DCUN1D2: variants seen among roughly 807,000 people sequenced by gnomAD.
DCUN1D2 encodes the protein DCN1-like protein 2.
DCUN1D2 carries 29 observed loss-of-function variants against 30.9 expected under a neutral mutation model. The ratio of observed to expected loss-of-function variants is 0.94; its 90% CI spans 0.70 to 1.28. The LOEUF is 1.28. Ranked by LOEUF, DCUN1D2 falls within the 50% of genes most tolerant of loss-of-function variation. The pLI, the probability that DCUN1D2 is intolerant of heterozygous loss-of-function variation, is 0.00. For missense variants in DCUN1D2, 325 were observed against 316.9 expected (o/e 1.03, Z -0.19); for synonymous variants, 121 against 115.3 (o/e 1.05, Z -0.32).
intron 1 of DCUN1D2, 119 bp from the exon 2 acceptor site, chr13:113,484,175 G>A (rs1330121105): frequency 3.3e-6 from 5 of 1,502,506 alleles, no homozygotes; most frequent in African/African-American, 1.4e-5. Flanking sequence ...CTCTTCATCA[G>A]TTACAAAGAC....
At chr13:113,464,589 G>A (rs553321115) in intron 4 of DCUN1D2, among the ~76,000 whole-genome samples, 3 of 152,386 alleles carry the variant, frequency 2.0e-5, no homozygotes, top group African/African-American at 7.2e-5. Context: ...CGCGTTTCCA[G>A]GACGGGGCAG....
In DCUN1D2 at chr13:113,490,650, G is replaced by A. The variant is rs1166606630; in HGVS notation, c.3+17C>T. On this transcript the variant is annotated intron_variant, in intron 1 of 6. Coordinates refer to ENST00000478244, the MANE Select transcript of DCUN1D2 (RefSeq NM_001014283.2). This position sits in a 1 kb window ranked among gnomAD's most constrained non-coding sequence, Gnocchi z 5.2. Reference sequence around the variant, plus strand: ...GACCCCGACCCCGACGGGCAGAGGCGACGCCGGGCCACCTACCATCTCCCC... The same window carrying A: ...GACCCCGACCCCGACGGGCAGAGGCAACGCCGGGCCACCTACCATCTCCCC... 2 of 1,243,794 alleles carry A rather than the reference G, an allele frequency of 1.6e-6. No homozygotes were observed. The highest frequency in any genetic ancestry group is 2.9e-5 in the South Asian group (1 of 35,012). 77.0% of individuals were successfully genotyped at this position (1,243,794 alleles called of 1,614,324 possible). A position where few individuals can be genotyped will look rare whatever the true frequency, so the allele number is the denominator to read the frequency against.
At position 113,483,993 on chromosome 13, in the gene DCUN1D2, C is replaced by A. The variant is rs774401901; in HGVS notation, c.67G>T (p.Glu23Ter). The change falls in exon 2 of 7, where the codon GAG becomes TAG. Residue 23 changes from glutamate (E) to a stop codon, truncating the protein, a stop_gained. Transcript: ENST00000478244. LOFTEE classifies it high-confidence loss of function. ...RQFMACTQAG[E>*]RTAIYCLTQN... ...GTTAAGCAGTAGATAGCAGTTCTCT[C>A]GCCAGCCTGAGTGCACGCCATAAAC... 1.2e-6 allele frequency: 2 copies of A among 1,614,208 alleles called. No individual in the cohort carries two copies. The highest frequency in any genetic ancestry group is 1.3e-5 in the African/African-American group (1 of 75,072).
At chr13:113,475,681 G>A (rs2044604602) in intron 3 of DCUN1D2, among the ~76,000 whole-genome samples, 1 of 152,148 alleles carries the variant, frequency 6.6e-6, no homozygotes. Flanking sequence ...GAGGCCAGGA[G>A]TTTGAGACCA....
intron 2 of DCUN1D2, among the ~76,000 whole-genome samples, chr13:113,482,682 T>C (rs1305122622): frequency 6.6e-6 from 1 of 152,090 alleles, no homozygotes; most frequent in African/African-American, 2.4e-5. Flanking sequence ...CGGTGCCTCA[T>C]GCCTGTAATC....
chr13:113,487,588 GCACAGTGTGCGATTCCAGCCA>G (rs2044830025), intron 1 of DCUN1D2, among the ~76,000 whole-genome samples: 1 of 152,052 alleles, frequency 6.6e-6, no homozygotes, highest in South Asian at 2.1e-4. Context: ...GAGTCCAGCC[GCACAGTGTGCGATTCCAGCCA>G]CACAGTGTAC....
chr13:113,491,087 A>C (rs184643311), upstream of DCUN1D2: 69 of 153,452 alleles, frequency 4.5e-4, no homozygotes, highest in African/African-American at 1.3e-3. Flanking sequence ...TCCCTCCCGG[A>C]CTCCCGGCCT....
At chr13:113,490,950 G>A (rs936033865), upstream of DCUN1D2, 23 of 205,302 alleles carry the variant, frequency 1.1e-4, no homozygotes, top group East Asian at 2.7e-3. The surrounding 1 kb of genome is among the most constrained non-coding windows in gnomAD (Gnocchi z 5.2). Flanking sequence ...GCCAGGAAGT[G>A]CTCGCCGCCC....
intron 6 of DCUN1D2, 63 bp downstream of exon 6, chr13:113,459,249 G>A: frequency 1.1e-6 from 1 of 886,958 alleles, no homozygotes; most frequent in Non-Finnish European, 1.9e-6. Flanking sequence ...CTAGAGGCAG[G>A]AGAAGTTAAC....
rs1595581958 is a variant in DCUN1D2, at chr13:113,476,288, TC to T, written c.390-2035del. ...TGCACCTTCCATTTAGTAACTGATGTCAAAACAGTACACTGGAGTCCCCCTC... is the reference window on the plus strand; with the variant it reads ...TGCACCTTCCATTTAGTAACTGATGTAAAACAGTACACTGGAGTCCCCCTC... On this transcript the variant is annotated intron_variant, in intron 3 of 6. Coordinates refer to ENST00000478244, the MANE Select transcript of DCUN1D2 (RefSeq NM_001014283.2). 2.6e-5 allele frequency among the ~76,000 whole-genome samples: 4 copies of T among 152,272 alleles called. No individual in the cohort carries two copies. In the East Asian group the frequency reaches 7.7e-4, roughly 29 times the overall value.
chr13:113,473,264 A>C (rs1405036394), intron 4 of DCUN1D2, among the ~76,000 whole-genome samples: 1 of 151,940 alleles, frequency 6.6e-6, no homozygotes, highest in East Asian at 1.9e-4. Context: ...TCCTCTGTGC[A>C]ACTGCCCTCT....
chr13:113,455,829 A>G lies in DCUN1D2; in HGVS notation c.*2200T>C, dbSNP rs534667460. 127 of 160,820 alleles carry G rather than the reference A, an allele frequency of 7.9e-4. 1 individual carries two copies. Among genetic ancestry groups the G allele is most frequent in the Middle Eastern group, 6.0e-3 (2 of 334 alleles). The allele number at this position is 160,820 out of a possible 1,614,324, so 10.0% of individuals were successfully genotyped here. On this transcript the variant is annotated 3_prime_UTR_variant, in exon 7 of 7. Coordinates refer to ENST00000478244, the MANE Select transcript of DCUN1D2 (RefSeq NM_001014283.2). ...CGAAAGGAAACCACGCCCGAGAAAA[A>G]CCAATTTAATGCTTCTGTTCTCAGC...
At chr13:113,475,087 G>A (rs2044591106) in intron 3 of DCUN1D2, among the ~76,000 whole-genome samples, 2 of 152,228 alleles carry the variant, frequency 1.3e-5, no homozygotes, top group Admixed American at 6.5e-5. Flanking sequence ...CTCAAGTAGA[G>A]TAGACGTAAG....
chr13:113,483,788 GGCC>G, intron 2 of DCUN1D2, 49 bp downstream of exon 2: 1 of 1,572,360 alleles, frequency 6.4e-7, no homozygotes, highest in Non-Finnish European at 8.7e-7. Flanking sequence ...GCAGCGCGCA[GGCC>G]GCTCGCGGAG....
chr13:113,489,193 A>C, intron 1 of DCUN1D2: 1 of 971,772 alleles, frequency 1.0e-6, no homozygotes, highest in Non-Finnish European at 1.2e-6. Context: ...GGGGGAGTTA[A>C]ATTCATCCCT....
intron 4 of DCUN1D2, among the ~76,000 whole-genome samples, chr13:113,461,830 T>C (rs1595567040): frequency 6.6e-6 from 1 of 152,206 alleles, no homozygotes; most frequent in African/African-American, 2.4e-5. Context: ...GAATGCCGAG[T>C]TTCAGGGCTG....
At position 113,490,615 on chromosome 13, in the gene DCUN1D2, G is replaced by GCCCGAC. The variant is rs576100620; in HGVS notation, c.3+46_3+51dup. The GCCCGAC allele has an allele frequency of 2.2e-3, 2,663 of 1,221,082 alleles. 5 individuals are homozygous for GCCCGAC. The highest frequency in any genetic ancestry group is 2.8e-3 in the African/African-American group (175 of 63,062). 75.6% of individuals were successfully genotyped at this position (1,221,082 alleles called of 1,614,324 possible). On this transcript the variant is annotated intron_variant, in intron 1 of 6. Coordinates refer to ENST00000478244, the MANE Select transcript of DCUN1D2 (RefSeq NM_001014283.2). This position sits in a 1 kb window ranked among gnomAD's most constrained non-coding sequence, Gnocchi z 5.2. Reference sequence around the variant, plus strand: ...GCGCGCCGCCTGCGCCGACCTTGGGGCCCGACCCCGACCCCGACCCCGACG... The same window carrying GCCCGAC: ...GCGCGCCGCCTGCGCCGACCTTGGGGCCCGACCCCGACCCCGACCCCGACCCCGACG...
rs1421212019 is a variant in DCUN1D2, at chr13:113,458,037, G to A, written c.772C>T (p.Leu258Phe). 1 of 1,614,016 alleles carries A rather than the reference G, an allele frequency of 6.2e-7. No homozygotes were observed. Among genetic ancestry groups the A allele is most frequent in the Non-Finnish European group, 8.5e-7 (1 of 1,179,878 alleles). ...RPVVTGGKRSLF is the reference protein window; with the variant it reads ...RPVVTGGKRSFF ...CCTGCTTAACTTGCTGCCTAGAAAA[G>A]GCTGCGTTTTCCACCTGTGACTACT... Residue 258 changes from leucine (L) to phenylalanine (F), a missense_variant, in exon 7 of 7, where the codon CTT becomes TTT. Leu to Phe is a conservative substitution (Grantham distance 22, BLOSUM62 0). Transcript: ENST00000478244.
chr13:113,476,495 G>C (rs1358057687), intron 3 of DCUN1D2, among the ~76,000 whole-genome samples: 3 of 151,936 alleles, frequency 2.0e-5, no homozygotes, highest in African/African-American at 7.3e-5. Context: ...CAAATCTTTT[G>C]GTTGTTTTTC....
Sources: allele counts gnomAD v4.1 joint callset (sites outside exome capture counted in the v4.1 genomes callset), GRCh38; gene constraint gnomAD v4.1.1; non-coding constraint Gnocchi (gnomAD v3.1); transcripts MANE v1.5; gene names NCBI Gene and HGNC (gene_info 2026-07-23, HGNC 2026-07-21).